The following CREB3L2 variants were observed in gnomAD, a reference collection of about 807,000 sequenced individuals.
The protein encoded by CREB3L2 is cyclic AMP-responsive element-binding protein 3-like protein 2.
CREB3L2 carries 23 observed loss-of-function variants against 57.2 expected under a neutral mutation model. The ratio of observed to expected loss-of-function variants is 0.40; its 90% CI spans 0.29 to 0.57. The LOEUF (loss-of-function observed/expected upper bound fraction) is 0.57. Among genes scored for constraint, CREB3L2 ranks in the 20% least tolerant of loss-of-function variants. The pLI, the probability that CREB3L2 is intolerant of heterozygous loss-of-function variation, is 0.42. For synonymous variants in CREB3L2, 268 were observed against 265.1 expected (o/e 1.01, Z -0.11); for missense variants, 628 against 634.7 (o/e 0.99, Z 0.11).
intron 10 of CREB3L2, 84 bp from the exon 11 acceptor site, chr7:137,882,712 G>A (rs768091777): frequency 2.6e-5 from 24 of 937,602 alleles, no homozygotes; most frequent in Non-Finnish European, 3.4e-5. Context: ...CTCAGGGCTG[G>A]TGGCAGATGA....
rs759612996 is a variant in CREB3L2 at position 137,956,595 on chromosome 7, C to T, written c.103-28229G>A. The T allele has an allele frequency of 2.9e-5, 37 of 1,288,914 alleles. No individual in the cohort carries two copies. The South Asian group carries it at 4.4e-4, about 15-fold the overall frequency. The allele number at this position is 1,288,914 out of a possible 1,614,324, so 79.8% of individuals were successfully genotyped here. On this transcript the variant is annotated intron_variant, in intron 1 of 11. Coordinates refer to ENST00000330387, the MANE Select transcript of CREB3L2 (RefSeq NM_194071.4). Reference sequence around the variant, plus strand: ...CTTCCATCTTTCAGGTCCTGGCAATCCTTCACACGGACAGCCATGCCGAAT... The same window carrying T: ...CTTCCATCTTTCAGGTCCTGGCAATTCTTCACACGGACAGCCATGCCGAAT...
intron 1 of CREB3L2, among the ~76,000 whole-genome samples, chr7:137,941,797 A>G (rs536135159): frequency 1.3e-5 from 2 of 152,384 alleles, no homozygotes; most frequent in Non-Finnish European, 2.9e-5. Context: ...TGGCATAATA[A>G]GAGCTTAATA....
intron 1 of CREB3L2, among the ~76,000 whole-genome samples, chr7:137,972,676 C>T (rs58899905): frequency 0.58 from 45,518 of 79,048 alleles, 13,177 homozygotes; most frequent in African/African-American, 0.82. Context: ...GTGAGATCCC[C>T]GTCTCTACAA....
chr7:137,916,118 G>T, intron 2 of CREB3L2, 106 bp from the exon 3 acceptor site: 1 of 773,206 alleles, frequency 1.3e-6, no homozygotes. Flanking sequence ...AGTGAAGGAT[G>T]ATTGAAAGTA....
intron 1 of CREB3L2, chr7:137,955,187 A>G (rs1448335174): frequency 7.2e-6 from 6 of 828,536 alleles, no homozygotes; most frequent in Admixed American, 2.3e-5. Context: ...ATCATTAGAA[A>G]CCCCCTGAAA....
At position 137,952,506 on chromosome 7, in the gene CREB3L2, C is replaced by T. The variant is rs140559911; in HGVS notation, c.103-24140G>A. On this transcript the variant is annotated intron_variant, in intron 1 of 11. Transcript: ENST00000330387. ...AGGTCCCATTTTGTCATCTTCACTG[C>T]ATTTGCCAGTCTGTGAAATTAGCTT... Among the ~76,000 whole-genome samples the T allele has an allele frequency of 2.3e-3, 356 of 152,306 alleles. 3 individuals carry two copies. The highest frequency in any genetic ancestry group is 8.2e-3 in the African/African-American group (340 of 41,574).
At chr7:137,913,870 T>C (rs1202818439) in intron 3 of CREB3L2, among the ~76,000 whole-genome samples, 5 of 151,996 alleles carry the variant, frequency 3.3e-5, no homozygotes, top group Admixed American at 6.5e-5. Context: ...TGAAAGAAAA[T>C]AAGAGACCTT....
At chr7:137,904,083 G>C in intron 6 of CREB3L2, 66 bp from the exon 7 acceptor site, 1 of 1,344,076 alleles carries the variant, frequency 7.4e-7, no homozygotes, top group Non-Finnish European at 1.1e-6. Flanking sequence ...GTTAAGATGG[G>C]AGGTGGTTAG....
chr7:137,913,471 C>T (rs1176580268), intron 3 of CREB3L2, among the ~76,000 whole-genome samples: 1 of 144,214 alleles, frequency 6.9e-6, no homozygotes, highest in East Asian at 2.0e-4. Flanking sequence ...CATACCATTG[C>T]ACTCCAGCCT....
At chr7:137,955,363 GA>G in intron 1 of CREB3L2, 1 of 1,225,170 alleles carries the variant, frequency 8.2e-7, no homozygotes. Context: ...GGGGGAGGGC[GA>G]AGATGGCAGT....
At chr7:137,899,096 A>AAAAG (rs1799690655) in intron 8 of CREB3L2, among the ~76,000 whole-genome samples, 2 of 83,776 alleles carry the variant, frequency 2.4e-5, no homozygotes, top group African/African-American at 1.3e-4. Flanking sequence ...AAAAGGAAAG[A>AAAAG]GAAGGAAGGA....
intron 1 of CREB3L2, among the ~76,000 whole-genome samples, chr7:137,959,937 G>T (rs1801291676): frequency 6.6e-6 from 1 of 152,052 alleles, no homozygotes; most frequent in Admixed American, 6.6e-5. Flanking sequence ...TTATTTTTCA[G>T]AGGTCTACTT....
intron 1 of CREB3L2, among the ~76,000 whole-genome samples, chr7:137,965,424 A>C (rs1214202239): frequency 6.6e-6 from 1 of 152,234 alleles, no homozygotes; most frequent in Non-Finnish European, 1.5e-5. Context: ...AGGATAATTA[A>C]ATCGAATCAA....
chr7:137,972,894 G>C (rs1053489582), intron 1 of CREB3L2, among the ~76,000 whole-genome samples: 4 of 151,184 alleles, frequency 2.6e-5, no homozygotes, highest in African/African-American at 9.7e-5. Flanking sequence ...GATCAACCCA[G>C]GGAGCATTTT....
intron 2 of CREB3L2, among the ~76,000 whole-genome samples, chr7:137,924,706 G>C (rs915188909): frequency 6.6e-6 from 1 of 151,578 alleles, no homozygotes; most frequent in African/African-American, 2.4e-5. Flanking sequence ...ACCTTGCTTA[G>C]CATCTGGTTC....
intron 1 of CREB3L2, among the ~76,000 whole-genome samples, chr7:137,946,892 A>ATATAGTTATATATATAGTTATC (rs1801000887): frequency 2.1e-5 from 1 of 47,280 alleles, no homozygotes; most frequent in Non-Finnish European, 3.6e-5. Context: ...ATATAGTTAT[A>ATATAGTTATATATATAGTTATC]TATATAGTTA....
At chr7:137,991,332 T>A (rs1801891629) in intron 1 of CREB3L2, among the ~76,000 whole-genome samples, 1 of 151,330 alleles carries the variant, frequency 6.6e-6, no homozygotes. Flanking sequence ...CCTGGCTAAT[T>A]TTTTTGTATT....
At chr7:137,926,167 G>C (rs1430638479) in intron 2 of CREB3L2, among the ~76,000 whole-genome samples, 1 of 152,246 alleles carries the variant, frequency 6.6e-6, no homozygotes, top group Non-Finnish European at 1.5e-5. Context: ...GTGGAAGACA[G>C]TGTGGCGATT....
At chr7:137,961,109 C>A (rs1202151825) in intron 1 of CREB3L2, among the ~76,000 whole-genome samples, 1 of 149,258 alleles carries the variant, frequency 6.7e-6, no homozygotes, top group Admixed American at 6.8e-5. Flanking sequence ...GCTTAAAAAA[C>A]CAATCTATTA....
Sources: gnomAD v4.1 joint callset for allele counts (sites outside exome capture counted in the v4.1 genomes callset) on GRCh38, gnomAD v4.1.1 for gene constraint, MANE v1.5 for transcripts, NCBI Gene and HGNC (gene_info 2026-07-23, HGNC 2026-07-21) for gene names.